Variants in BMP2K observed in about 807,000 individuals in gnomAD.
BMP2K encodes the protein BMP2 inducible kinase.
BMP2K carries 74 observed loss-of-function variants against 116.0 expected under a neutral mutation model. The observed-to-expected ratio is 0.64, with a 90% confidence interval of 0.53 to 0.77. The LOEUF (loss-of-function observed/expected upper bound fraction) is 0.77. Among genes scored for constraint, BMP2K ranks in the 30% least tolerant of loss-of-function variants. The pLI, the probability that BMP2K is intolerant of heterozygous loss-of-function variation, is 0.00. For synonymous variants in BMP2K, 486 were observed against 502.5 expected (o/e 0.97, Z 0.44); for missense variants, 1,365 against 1,403.6 (o/e 0.97, Z 0.44).
chr4:78,799,568 G>A (rs1358996629), intron 1 of BMP2K, among the ~76,000 whole-genome samples: 2 of 152,176 alleles, frequency 1.3e-5, no homozygotes, highest in Admixed American at 1.3e-4. Context: ...GGATTCAAAT[G>A]TGTGTATTTG....
At chr4:78,814,273 G>T (rs1444574028) in intron 1 of BMP2K, among the ~76,000 whole-genome samples, 1 of 152,106 alleles carries the variant, frequency 6.6e-6, no homozygotes, top group Non-Finnish European at 1.5e-5. Flanking sequence ...CTGTGCTTGA[G>T]CTCTTCCTCC....
Position 78,883,179 on chromosome 4 carries a change from G to A in BMP2K, c.1952-3995G>A, listed in dbSNP as rs138324454. 4.9e-3 allele frequency among the ~76,000 whole-genome samples: 746 copies of A among 152,178 alleles called. 5 individuals are homozygous for A. Among genetic ancestry groups the A allele is most frequent in the African/African-American group, 0.017 (716 of 41,538 alleles). ...CATAATTCTTTTGTGAAGGCAGGAGGTAAGTTTCTCATATTGGATAATCAA... is the reference window on the plus strand; with the variant it reads ...CATAATTCTTTTGTGAAGGCAGGAGATAAGTTTCTCATATTGGATAATCAA... On this transcript the variant is annotated intron_variant, in intron 14 of 15. Coordinates refer to ENST00000502613, the MANE Select transcript of BMP2K (RefSeq NM_198892.2).
intron 10 of BMP2K, 126 bp from the exon 11 acceptor site, chr4:78,870,657 G>A: frequency 7.6e-7 from 1 of 1,308,098 alleles, no homozygotes; most frequent in Non-Finnish European, 1.0e-6. Flanking sequence ...GCATATGGAA[G>A]TTTTTGTGTT....
intron 4 of BMP2K, 79 bp downstream of exon 4, chr4:78,842,606 T>C: frequency 1.5e-6 from 2 of 1,346,286 alleles, no homozygotes. Context: ...TCTAAATCAG[T>C]ATAAAAACTG....
chr4:78,888,257 A>G (rs1733210342), intron 15 of BMP2K: 2 of 152,142 alleles, frequency 1.3e-5, no homozygotes, highest in African/African-American at 4.8e-5. Context: ...GCTGCTTTCA[A>G]GTTTTCTTTT....
chr4:78,902,549 C>T (rs747697349), intron 15 of BMP2K, among the ~76,000 whole-genome samples: 1 of 152,082 alleles, frequency 6.6e-6, no homozygotes, highest in Non-Finnish European at 1.5e-5. Flanking sequence ...ACTTTGAAGT[C>T]TTATAGCCCC....
intron 1 of BMP2K, among the ~76,000 whole-genome samples, chr4:78,822,582 T>C (rs1729674529): frequency 6.6e-6 from 1 of 152,170 alleles, no homozygotes; most frequent in African/African-American, 2.4e-5. Context: ...AATTTTGCTT[T>C]TATGGGATTT....
intron 1 of BMP2K, among the ~76,000 whole-genome samples, chr4:78,797,147 C>CT (rs746393139): frequency 6.6e-6 from 1 of 152,132 alleles, no homozygotes; most frequent in East Asian, 1.9e-4. Flanking sequence ...TTCTTAAACT[C>CT]TAATAAGTAT....
intron 15 of BMP2K, among the ~76,000 whole-genome samples, chr4:78,892,222 T>G (rs1340825434): frequency 1.3e-5 from 2 of 152,210 alleles, no homozygotes; most frequent in African/African-American, 4.8e-5. Context: ...CAAGTTACCT[T>G]TGTGAAAAGG....
intron 1 of BMP2K, among the ~76,000 whole-genome samples, chr4:78,811,583 A>G (rs1729093416): frequency 6.6e-6 from 1 of 152,200 alleles, no homozygotes; most frequent in South Asian, 2.1e-4. Flanking sequence ...TTCTTTCTGA[A>G]TTTTATAAAA....
intron 1 of BMP2K, among the ~76,000 whole-genome samples, chr4:78,809,802 C>T (rs990285579): frequency 6.6e-6 from 1 of 151,266 alleles, no homozygotes; most frequent in Non-Finnish European, 1.5e-5. Flanking sequence ...GTTCTTTGAA[C>T]ATATTTGTTG....
chr4:78,817,306 C>G (rs1729398733), intron 1 of BMP2K, among the ~76,000 whole-genome samples: 1 of 152,198 alleles, frequency 6.6e-6, no homozygotes, highest in South Asian at 2.1e-4. Context: ...TCCAACAAGA[C>G]TACCCCCACT....
intron 15 of BMP2K, among the ~76,000 whole-genome samples, chr4:78,889,818 CAG>C (rs988922551): frequency 1.3e-4 from 20 of 152,156 alleles, no homozygotes; most frequent in African/African-American, 4.1e-4. Context: ...AATTACTAAA[CAG>C]AATTTAATTT....
At chr4:78,889,983 G>A (rs1733343004) in intron 15 of BMP2K, among the ~76,000 whole-genome samples, 1 of 152,078 alleles carries the variant, frequency 6.6e-6, no homozygotes, top group African/African-American at 2.4e-5. Flanking sequence ...GTTTTATTAG[G>A]AATTGTGCTC....
At chr4:78,850,545 T>A (rs1253358175) in intron 6 of BMP2K, among the ~76,000 whole-genome samples, 1 of 151,960 alleles carries the variant, frequency 6.6e-6, no homozygotes, top group Admixed American at 6.6e-5. Flanking sequence ...TTAAACATGC[T>A]TTATAGTGAA....
chr4:78,879,023 ATCT>A, intron 14 of BMP2K, 132 bp downstream of exon 14: 2 of 1,475,772 alleles, frequency 1.4e-6, no homozygotes, highest in Middle Eastern at 2.5e-4. Flanking sequence ...AATTCAGGCC[ATCT>A]TCTTATACAT....
intron 2 of BMP2K, among the ~76,000 whole-genome samples, chr4:78,828,829 T>G (rs1730008685): frequency 2.0e-5 from 3 of 152,214 alleles, no homozygotes; most frequent in African/African-American, 7.2e-5. Context: ...AGTGCAGTCT[T>G]GTTGCTGGTA....
In BMP2K at chr4:78,776,657, C is replaced by T. The variant is rs542064293; in HGVS notation, c.114C>T (p.Ser38=). The T allele has an allele frequency of 1.0e-3, 1,278 of 1,231,694 alleles. 11 individuals carry two copies. The African/African-American group carries it at 0.018, about 17-fold the overall frequency. The allele number at this position is 1,231,694 out of a possible 1,614,324, so 76.3% of individuals were successfully genotyped here. Residue 38 remains serine (S), a synonymous_variant, in exon 1 of 16, where the codon TCC becomes TCT. Coordinates refer to ENST00000502613, the MANE Select transcript of BMP2K (RefSeq NM_198892.2). The part of the protein sequence containing the change: ...AGAGCGSGGS[S]VGVRVFAVGR... ...CCGGCTGCGGCTCCGGCGGCTCGTC[C>T]GTGGGGGTCCGGGTGTTCGCGGTCG...
At chr4:78,784,882 C>T (rs542861831) in intron 1 of BMP2K, among the ~76,000 whole-genome samples, 25 of 152,232 alleles carry the variant, frequency 1.6e-4, no homozygotes, top group African/African-American at 5.5e-4. Context: ...TTTGTAACAT[C>T]TTTTTCCATT....
Sources: gnomAD v4.1 joint callset for allele counts (sites outside exome capture counted in the v4.1 genomes callset) on GRCh38, gnomAD v4.1.1 for gene constraint, MANE v1.5 for transcripts, NCBI Gene and HGNC (gene_info 2026-07-23, HGNC 2026-07-21) for gene names.